The following TEAD1 variants were observed in gnomAD, a reference collection of about 807,000 sequenced individuals.
TEAD1 encodes transcriptional enhancer factor TEF-1.
In TEAD1, 9 loss-of-function variants were observed where a neutral mutation model predicts 54.9. The observed-to-expected ratio is 0.16, with a 90% CI of 0.10 to 0.29. TEAD1 has a LOEUF of 0.29. Ranked by LOEUF, TEAD1 falls within the 10% of genes least tolerant of loss-of-function variation. The pLI is 1.00. For missense variants in TEAD1, 387 were observed against 535.9 expected (o/e 0.72, Z 2.74); for synonymous variants, 200 against 187.8 (o/e 1.07, Z -0.53).
chr11:12,730,244 T>C (rs754215769), intron 2 of TEAD1, among the ~76,000 whole-genome samples: 3 of 152,084 alleles, frequency 2.0e-5, no homozygotes, highest in Non-Finnish European at 4.4e-5. Flanking sequence ...TACAAAACAC[T>C]CTCCCAGGCT....
intron 3 of TEAD1, among the ~76,000 whole-genome samples, chr11:12,802,784 C>T (rs1403555230): frequency 1.3e-5 from 2 of 152,184 alleles, no homozygotes; most frequent in Non-Finnish European, 2.9e-5. Flanking sequence ...TCGGAGATAC[C>T]GAGGCCTGCT....
chr11:12,862,874 C>A (rs1195967337), intron 4 of TEAD1, among the ~76,000 whole-genome samples: 1 of 152,180 alleles, frequency 6.6e-6, no homozygotes, highest in Non-Finnish European at 1.5e-5. Context: ...TACCTCTGTG[C>A]AGAGCAGTAT....
At chr11:12,708,842 C>G (rs774872747) in intron 2 of TEAD1, among the ~76,000 whole-genome samples, 1 of 152,144 alleles carries the variant, frequency 6.6e-6, no homozygotes, top group African/African-American at 2.4e-5. Flanking sequence ...AGTCACAGAT[C>G]AGCATGAATA....
intron 2 of TEAD1, among the ~76,000 whole-genome samples, chr11:12,750,183 G>A (rs1268547440): frequency 2.6e-5 from 4 of 152,166 alleles, no homozygotes; most frequent in African/African-American, 4.8e-5. Context: ...AAATGCAGAC[G>A]CATGTCTCTG....
chr11:12,686,401 A>G (rs966886401), intron 2 of TEAD1, among the ~76,000 whole-genome samples: 5 of 152,182 alleles, frequency 3.3e-5, no homozygotes, highest in Non-Finnish European at 7.4e-5. Flanking sequence ...AACCTGTGCT[A>G]TTTCAACCAA....
intron 9 of TEAD1, among the ~76,000 whole-genome samples, chr11:12,885,971 A>T (rs1311003503): frequency 6.6e-6 from 1 of 152,248 alleles, no homozygotes; most frequent in Non-Finnish European, 1.5e-5. Context: ...GACAGACACG[A>T]AACAGATGAT....
chr11:12,763,198 A>T (rs527568982), intron 2 of TEAD1, among the ~76,000 whole-genome samples: 1 of 152,352 alleles, frequency 6.6e-6, no homozygotes, highest in South Asian at 2.1e-4. Flanking sequence ...ACCATAGGTT[A>T]TATACATAAT....
intron 11 of TEAD1, among the ~76,000 whole-genome samples, chr11:12,929,907 C>T (rs1948983399): frequency 6.6e-6 from 1 of 152,090 alleles, no homozygotes; most frequent in Non-Finnish European, 1.5e-5. Flanking sequence ...TTTTTTCTGA[C>T]CTTTGCTAAA....
At chr11:12,918,913 C>G (rs1407492399) in intron 10 of TEAD1, among the ~76,000 whole-genome samples, 1 of 152,132 alleles carries the variant, frequency 6.6e-6, no homozygotes, top group African/African-American at 2.4e-5. Context: ...GCTTAAAGTT[C>G]AGAAACCAGA....
At chr11:12,899,492 A>G (rs1392372375) in intron 9 of TEAD1, among the ~76,000 whole-genome samples, 2 of 152,110 alleles carry the variant, frequency 1.3e-5, no homozygotes, top group Non-Finnish European at 2.9e-5. Flanking sequence ...GTTGTTTATA[A>G]TTGGAAAAAG....
intron 2 of TEAD1, among the ~76,000 whole-genome samples, chr11:12,702,379 C>T (rs551950365): frequency 2.0e-5 from 3 of 152,344 alleles, no homozygotes; most frequent in South Asian, 4.1e-4. Context: ...CTCGACACCA[C>T]TCCCTCTTTA....
chr11:12,802,327 T>C (rs147719491), intron 3 of TEAD1, among the ~76,000 whole-genome samples: 2 of 152,154 alleles, frequency 1.3e-5, no homozygotes, highest in Non-Finnish European at 2.9e-5. Context: ...CTTCGAAATA[T>C]GGAATAATGA....
rs111324120 is a variant in TEAD1 at position 12,930,046 on chromosome 11, G to A, written c.1015-128G>A. The A allele has an allele frequency of 1.3e-3, 1,272 of 982,858 alleles. 11 individuals are homozygous for A. In the African/African-American group the frequency reaches 0.016, roughly 13 times the overall value. The allele number at this position is 982,858 out of a possible 1,614,324, so 60.9% of individuals were successfully genotyped here. A position where few individuals can be genotyped will look rare whatever the true frequency, so the allele number is the denominator to read the frequency against. Reference sequence around the variant, plus strand: ...GTTTTTTTTTAATTAAGTAGATTACGTAAGTAGTATAGCATATAGAAGATG... The same window carrying A: ...GTTTTTTTTTAATTAAGTAGATTACATAAGTAGTATAGCATATAGAAGATG... On this transcript the variant is annotated intron_variant, in intron 11 of 12. Transcript: ENST00000527636.
chr11:12,860,432 T>C (rs982619630), intron 3 of TEAD1, among the ~76,000 whole-genome samples: 1 of 152,142 alleles, frequency 6.6e-6, no homozygotes, highest in Non-Finnish European at 1.5e-5. Context: ...TCCTGCACAG[T>C]CCCAGCACTG....
At chr11:12,880,235 G>A (rs999447983) in intron 6 of TEAD1, among the ~76,000 whole-genome samples, 5 of 152,100 alleles carry the variant, frequency 3.3e-5, no homozygotes, top group Non-Finnish European at 7.4e-5. Flanking sequence ...GGGGCAACTA[G>A]CCCCTAAAGG....
At chr11:12,680,913 A>G (rs1012804425) in intron 2 of TEAD1, among the ~76,000 whole-genome samples, 1 of 152,168 alleles carries the variant, frequency 6.6e-6, no homozygotes, top group Non-Finnish European at 1.5e-5. Context: ...CTGTCTGGTA[A>G]TTTAGCTTAT....
intron 2 of TEAD1, among the ~76,000 whole-genome samples, chr11:12,691,405 A>C (rs1422585205): frequency 4.6e-5 from 7 of 152,154 alleles, no homozygotes; most frequent in Admixed American, 4.6e-4. Flanking sequence ...TTTCTAGGCT[A>C]TGATGTGTGT....
At chr11:12,855,533 C>T (rs189414717) in intron 3 of TEAD1, among the ~76,000 whole-genome samples, 527 of 152,250 alleles carry the variant, frequency 3.5e-3, no homozygotes, top group Admixed American at 5.9e-3. Flanking sequence ...CGTGATCCAC[C>T]TGCCTTGGCC....
chr11:12,876,036 C>A (rs1947848077), intron 5 of TEAD1, among the ~76,000 whole-genome samples: 1 of 152,080 alleles, frequency 6.6e-6, no homozygotes, highest in Non-Finnish European at 1.5e-5. Context: ...TCTCCGGACA[C>A]CCCAGTGGGT....
Sources: gnomAD v4.1 joint callset for allele counts (sites outside exome capture counted in the v4.1 genomes callset) on GRCh38, gnomAD v4.1.1 for gene constraint, MANE v1.5 for transcripts, NCBI Gene and HGNC (gene_info 2026-07-23, HGNC 2026-07-21) for gene names.